Variants in PIP5K1C observed in about 807,000 individuals in gnomAD.
PIP5K1C encodes the protein phosphatidylinositol 4-phosphate 5-kinase type-1 gamma.
Under a neutral mutation model 80.1 loss-of-function variants are expected in PIP5K1C, and 45 were observed. The ratio of observed to expected loss-of-function variants is 0.56; its 90% CI spans 0.44 to 0.72. The LOEUF is 0.72. Among genes scored for constraint, PIP5K1C ranks in the 30% least tolerant of loss-of-function variants. PIP5K1C has a pLI of 0.00. For missense variants in PIP5K1C, 753 were observed against 954.6 expected (o/e 0.79, Z 2.78); for synonymous variants, 498 against 420.1 (o/e 1.19, Z -2.27).
At chr19:3,666,113 G>A (rs1285976838) in intron 2 of PIP5K1C, among the ~76,000 whole-genome samples, 2 of 152,232 alleles carry the variant, frequency 1.3e-5, no homozygotes, top group East Asian at 1.9e-4. Flanking sequence ...CACGCCGGGG[G>A]ACTCTGAGGA....
At position 3,700,288 on chromosome 19, in the gene PIP5K1C, G is replaced by C; in HGVS notation, c.94+9C>G. The C allele has an allele frequency of 7.9e-7, 1 of 1,268,092 alleles. No homozygotes were observed. Among genetic ancestry groups the C allele is most frequent in the Non-Finnish European group, 1.0e-6 (1 of 989,890 alleles). The allele number at this position is 1,268,092 out of a possible 1,614,324, so 78.6% of individuals were successfully genotyped here. A position where few individuals can be genotyped will look rare whatever the true frequency, so the allele number is the denominator to read the frequency against. On this transcript the variant is annotated intron_variant, in intron 1 of 17. Coordinates refer to ENST00000335312, the MANE Select transcript of PIP5K1C (RefSeq NM_012398.3). ...AGCGGGCCGCAGCCCCGGGAGGCCG[G>C]GCCGTTACCTGCCGCCGCCCCGCTC...
At chr19:3,640,560 G>A (rs1202720070) in intron 15 of PIP5K1C, among the ~76,000 whole-genome samples, 1 of 152,012 alleles carries the variant, frequency 6.6e-6, no homozygotes, top group Admixed American at 6.6e-5. Flanking sequence ...TCCCCAAAAG[G>A]GCCAGAACTA....
At chr19:3,633,850 C>T (rs1002664857) in intron 16 of PIP5K1C, among the ~76,000 whole-genome samples, 1 of 152,104 alleles carries the variant, frequency 6.6e-6, no homozygotes, top group Non-Finnish European at 1.5e-5. Flanking sequence ...AGTGTTCCTC[C>T]TCCTCCTCCT....
At chr19:3,652,419 G>T (rs942081172) in intron 7 of PIP5K1C, among the ~76,000 whole-genome samples, 2 of 152,230 alleles carry the variant, frequency 1.3e-5, no homozygotes, top group African/African-American at 4.8e-5. Context: ...GATGCCCAGG[G>T]TAGCCTCAAG....
rs373809327 is a variant in PIP5K1C at position 3,633,176 on chromosome 19, G to A, written c.2005-7C>T. On this transcript the variant is annotated splice_region_variant and splice_polypyrimidine_tract_variant and intron_variant, in intron 17 of 17. Transcript: ENST00000335312. ...GGGGGCTGCATAGAAATTACTGCAA[G>A]AGCAAGAGGACAGGTGAAGGTGGGC... 4.2e-4 allele frequency: 319 copies of A among 768,212 alleles called. No individual in the cohort carries two copies. Among genetic ancestry groups the A allele is most frequent in the Non-Finnish European group, 6.7e-4 (275 of 412,752 alleles). The allele number at this position is 768,212 out of a possible 1,614,324, so 47.6% of individuals were successfully genotyped here.
intron 11 of PIP5K1C, among the ~76,000 whole-genome samples, chr19:3,645,772 A>T (rs1201703902): frequency 6.6e-6 from 1 of 152,204 alleles, no homozygotes; most frequent in African/African-American, 2.4e-5. Context: ...CGGTGGCTCC[A>T]GACCCGTGCT....
intron 1 of PIP5K1C, among the ~76,000 whole-genome samples, chr19:3,678,800 AGAAT>A: frequency 1.0e-5 from 1 of 100,406 alleles, no homozygotes; most frequent in African/African-American, 3.9e-5. Flanking sequence ...GGAGGGATGG[AGAAT>A]GGAGGGATGG....
chr19:3,644,270 G>A lies in PIP5K1C; in HGVS notation c.1346-19C>T. 6.2e-7 allele frequency: 1 copy of A among 1,609,184 alleles called. No homozygotes were observed. Among genetic ancestry groups the A allele is most frequent in the South Asian group, 1.1e-5 (1 of 91,010 alleles). On this transcript the variant is annotated intron_variant, in intron 11 of 17. Coordinates refer to ENST00000335312, the MANE Select transcript of PIP5K1C (RefSeq NM_012398.3). ...TTCAGGGCTGCAGGGAAGGGTGGGG[G>A]TTGGTGCTTGGGGTTGCTGGGGGCT...
chr19:3,654,497 G>GCC (rs2034553942), intron 6 of PIP5K1C, among the ~76,000 whole-genome samples: 1 of 152,198 alleles, frequency 6.6e-6, no homozygotes, highest in African/African-American at 2.4e-5. Flanking sequence ...AGGGCTGTGA[G>GCC]CTAAGAATGG....
intron 1 of PIP5K1C, among the ~76,000 whole-genome samples, chr19:3,682,113 C>T (rs2035607674): frequency 6.6e-6 from 1 of 152,076 alleles, no homozygotes; most frequent in African/African-American, 2.4e-5. Context: ...GTGGCTCACT[C>T]TTATAAACCC....
At chr19:3,633,369 G>A in intron 17 of PIP5K1C, 68 bp downstream of exon 17, 1 of 1,256,960 alleles carries the variant, frequency 8.0e-7, no homozygotes. Flanking sequence ...TATCCCAGTA[G>A]CTGGGGACCA....
intron 5 of PIP5K1C, among the ~76,000 whole-genome samples, chr19:3,657,646 A>G (rs771617954): frequency 6.6e-6 from 1 of 152,108 alleles, no homozygotes; most frequent in Non-Finnish European, 1.5e-5. Flanking sequence ...AGGGGAGGCC[A>G]GGCACGGCGG....
At chr19:3,693,881 C>T (rs1220331598) in intron 1 of PIP5K1C, among the ~76,000 whole-genome samples, 2 of 152,066 alleles carry the variant, frequency 1.3e-5, no homozygotes, top group African/African-American at 4.8e-5. Context: ...GCACCCTGGA[C>T]AACATAGTGA....
In PIP5K1C at chr19:3,633,432, C is replaced by T. The variant is rs940689222; in HGVS notation, c.2004+5G>A. On this transcript the variant is annotated splice_donor_5th_base_variant and intron_variant, in intron 17 of 17. Transcript: ENST00000335312. Reference sequence around the variant, plus strand: ...GACCGGCGGGTGCACCTGGGCTGCACTTACTGTGTCGCTCTCGCCGTCGGA... The same window carrying T: ...GACCGGCGGGTGCACCTGGGCTGCATTTACTGTGTCGCTCTCGCCGTCGGA... The T allele has an allele frequency of 2.0e-6, 3 of 1,492,384 alleles. No individual in the cohort carries two copies. Among genetic ancestry groups the T allele is most frequent in the Non-Finnish European group, 2.7e-6 (3 of 1,119,372 alleles). 92.4% of individuals were successfully genotyped at this position (1,492,384 alleles called of 1,614,324 possible).
At chr19:3,689,223 A>T (rs150432907) in intron 1 of PIP5K1C, among the ~76,000 whole-genome samples, 2 of 152,202 alleles carry the variant, frequency 1.3e-5, no homozygotes, top group Non-Finnish European at 2.9e-5. Flanking sequence ...AAAAACGAAC[A>T]TACAACAAGG....
intron 17 of PIP5K1C, 57 bp downstream of exon 17, chr19:3,633,380 C>T (rs1032750596): frequency 6.2e-5 from 83 of 1,336,038 alleles, no homozygotes; most frequent in East Asian, 5.9e-4. Context: ...CTGGGGACCA[C>T]GCTCAGTAGA....
chr19:3,668,779 G>C lies in PIP5K1C; in HGVS notation c.95-1426C>G, dbSNP rs949337774. Reference sequence around the variant, plus strand: ...GACAGGCGGGGTGCGGATCAGCAAGGGGGGGCTTCCCTGGGCTGGTCCTGT... The same window carrying C: ...GACAGGCGGGGTGCGGATCAGCAAGCGGGGGCTTCCCTGGGCTGGTCCTGT... On this transcript the variant is annotated intron_variant, in intron 1 of 17. Transcript: ENST00000335312. 1.3e-4 allele frequency among the ~76,000 whole-genome samples: 20 copies of C among 152,284 alleles called. No individual in the cohort carries two copies. The South Asian group carries it at 2.7e-3, about 20-fold the overall frequency.
intron 1 of PIP5K1C, 74 bp downstream of exon 1, chr19:3,700,223 G>A (rs942089932): frequency 4.6e-6 from 4 of 873,716 alleles, no homozygotes; most frequent in Non-Finnish European, 5.7e-6. Context: ...CCCCCGCCCC[G>A]GCCCCGCAGC....
Position 3,651,996 on chromosome 19 carries a change from C to A in PIP5K1C, c.957G>T (p.Leu319=), listed in dbSNP as rs1179950072. Residue 319 remains leucine, a synonymous_variant, in exon 8 of 18, where the codon CTG becomes CTT. Coordinates refer to ENST00000335312, the MANE Select transcript of PIP5K1C (RefSeq NM_012398.3). ...LESFKIMDYS[L]LLGVHNIDQH... is the part of the protein sequence containing the mutation. ...GGTCGATGTTGTGCACGCCCAGCAG[C>A]AGGCTGTAGTCCATGATCTTGAAAC... 1.2e-6 allele frequency: 2 copies of A among 1,613,064 alleles called. No individual in the cohort carries two copies. Among genetic ancestry groups the A allele is most frequent in the Non-Finnish European group, 1.7e-6 (2 of 1,179,996 alleles).
Sources: gnomAD v4.1 joint callset for allele counts (sites outside exome capture counted in the v4.1 genomes callset) on GRCh38, gnomAD v4.1.1 for gene constraint, MANE v1.5 for transcripts, NCBI Gene and HGNC (gene_info 2026-07-23, HGNC 2026-07-21) for gene names.